The following C12orf54 variants were observed in gnomAD, a reference collection of about 807,000 sequenced individuals.
C12orf54 encodes the protein chromosome 12 open reading frame 54.
A neutral mutation model predicts 26.4 loss-of-function variants in C12orf54; 24 were observed. That is an observed-to-expected ratio of 0.91 (90% CI 0.66 to 1.28). C12orf54 has a LOEUF of 1.28. C12orf54 is among the 50% of genes most tolerant of loss of function. The pLI is 0.00. For missense variants in C12orf54, 154 were observed against 150.9 expected (o/e 1.02, Z -0.11); for synonymous variants, 54 against 47.0 (o/e 1.15, Z -0.61).
Position 48,494,904 on chromosome 12 carries a change from C to A in C12orf54, c.349C>A (p.Leu117Ile). 1.2e-6 allele frequency: 2 copies of A among 1,613,048 alleles called. No homozygotes were observed. The highest frequency in any genetic ancestry group is 1.7e-6 in the Non-Finnish European group (2 of 1,178,938). ...GGRIHNLKTQLFSQSAYYPGP is the reference protein window; with the variant it reads ...GGRIHNLKTQIFSQSAYYPGP ...CCGTATCCACAACCTGAAGACACAG[C>A]TCTTCAGTCAATCAGCTTACTACCC... is the stretch of plus-strand genomic sequence containing the variant. Residue 117 changes from leucine (L) to isoleucine (I), a missense_variant, in exon 8 of 9, where the codon CTC becomes ATC. By Grantham distance (5) the Leu-to-Ile change is conservative. Coordinates refer to ENST00000548364, the MANE Select transcript of C12orf54 (RefSeq NM_152319.4).
At chr12:48,467,276 C>T in the C12orf54 span, among the ~76,000 whole-genome samples, 1 of 152,148 alleles carries the variant, frequency 6.6e-6, no homozygotes, top group Non-Finnish European at 1.5e-5. Context: ...AAGCTTGGAA[C>T]CCATTCTCCC....
At chr12:48,484,517 T>A (rs1451627634) in intron 2 of C12orf54, among the ~76,000 whole-genome samples, 3 of 152,194 alleles carry the variant, frequency 2.0e-5, no homozygotes, top group African/African-American at 7.2e-5. Context: ...GACAGGACAC[T>A]GTAAAAATAA....
At chr12:48,482,660 A>G (rs1439395932) in intron 1 of C12orf54, 84 bp downstream of exon 1, 1 of 151,980 alleles carries the variant, frequency 6.6e-6, no homozygotes. Context: ...TGGGAGGGAA[A>G]CTTCTCAAAG....
At chr12:48,463,606 C>T in the C12orf54 span, among the ~76,000 whole-genome samples, 288 of 149,842 alleles carry the variant, frequency 1.9e-3, 1 homozygote, top group Middle Eastern at 6.8e-3. Flanking sequence ...CTGGAGGACA[C>T]AGTATAAAAA....
At chr12:48,473,246 G>T in the C12orf54 span, 1 of 1,117,256 alleles carries the variant, frequency 9.0e-7, no homozygotes, top group East Asian at 2.5e-5. Context: ...ACGAGGATGA[G>T]GAGGAGGAAC....
chr12:48,467,481 C>T, the C12orf54 span, among the ~76,000 whole-genome samples: 31 of 152,052 alleles, frequency 2.0e-4, no homozygotes, highest in African/African-American at 7.2e-4. Context: ...GAATGCTGTA[C>T]ATAATAACAG....
At chr12:48,437,540 A>G in the C12orf54 span, among the ~76,000 whole-genome samples, 1 of 152,232 alleles carries the variant, frequency 6.6e-6, no homozygotes, top group Non-Finnish European at 1.5e-5. Flanking sequence ...GCACATCAAA[A>G]AGTTTATCCA....
intron 8 of C12orf54, chr12:48,495,593 C>T (rs1272648785): frequency 6.6e-6 from 1 of 152,662 alleles, no homozygotes; most frequent in African/African-American, 2.4e-5. Flanking sequence ...AAGACTGTCT[C>T]AGGTGCTCAC....
chr12:48,418,253 C>T, the C12orf54 span, among the ~76,000 whole-genome samples: 68 of 152,262 alleles, frequency 4.5e-4, no homozygotes, highest in African/African-American at 1.6e-3. Context: ...ATTGTAGTGT[C>T]TGGAAGGGAA....
chr12:48,469,536 C>T, the C12orf54 span, among the ~76,000 whole-genome samples: 3 of 151,718 alleles, frequency 2.0e-5, no homozygotes, highest in Non-Finnish European at 4.4e-5. Context: ...GTTTTACAAA[C>T]AATTTGCCCA....
the C12orf54 span, among the ~76,000 whole-genome samples, chr12:48,462,982 T>C: frequency 2.0e-5 from 3 of 151,898 alleles, no homozygotes; most frequent in African/African-American, 2.4e-5. Context: ...AACATGATCA[T>C]CTATGTAGAA....
the C12orf54 span, among the ~76,000 whole-genome samples, chr12:48,430,440 A>G: frequency 2.0e-5 from 3 of 152,162 alleles, no homozygotes; most frequent in Non-Finnish European, 4.4e-5. Flanking sequence ...TCTACAAAGA[A>G]CTCAAATCAG....
At chr12:48,436,657 G>T in the C12orf54 span, among the ~76,000 whole-genome samples, 7 of 152,038 alleles carry the variant, frequency 4.6e-5, no homozygotes, top group Non-Finnish European at 7.4e-5. Context: ...GAATGACTAT[G>T]GGGTACATAA....
intron 4 of C12orf54, chr12:48,488,570 TA>T: frequency 2.6e-6 from 1 of 380,742 alleles, no homozygotes; most frequent in South Asian, 2.5e-5. Context: ...AACAAGCAAA[TA>T]AATACCTGTT....
chr12:48,413,347 G>C, the C12orf54 span, among the ~76,000 whole-genome samples: 1 of 152,122 alleles, frequency 6.6e-6, no homozygotes, highest in Non-Finnish European at 1.5e-5. Flanking sequence ...TCAACAGTTT[G>C]ATTTTTCTAT....
chr12:48,428,019 C>G, the C12orf54 span, among the ~76,000 whole-genome samples: 1 of 152,064 alleles, frequency 6.6e-6, no homozygotes, highest in Non-Finnish European at 1.5e-5. Context: ...CCAAAAGGAA[C>G]CTTCAAAACC....
chr12:48,490,758 G>GTC, intron 5 of C12orf54, 54 bp from the exon 6 acceptor site: 1 of 1,601,684 alleles, frequency 6.2e-7, no homozygotes, highest in Non-Finnish European at 8.6e-7. Context: ...TACAGTGCAG[G>GTC]TCTGCAGGAG....
chr12:48,489,391 G>A (rs190977744), intron 5 of C12orf54: 269 of 286,008 alleles, frequency 9.4e-4, no homozygotes, highest in African/African-American at 4.7e-3. Flanking sequence ...TGCTCTCCTC[G>A]GCTCTTCTTC....
chr12:48,494,966 T>G lies in C12orf54; in HGVS notation c.*27T>G. On this transcript the variant is annotated 3_prime_UTR_variant, in exon 8 of 9. Transcript: ENST00000548364. Reference sequence around the variant, plus strand: ...TCTACAATCAAGGAAGAAGGACATCTCTGCTTCCGCCAGGTGCTTTACCCA... The same window carrying G: ...TCTACAATCAAGGAAGAAGGACATCGCTGCTTCCGCCAGGTGCTTTACCCA... 2 of 1,607,414 alleles carry G rather than the reference T, an allele frequency of 1.2e-6. No individual in the cohort carries two copies. Among genetic ancestry groups the G allele is most frequent in the Non-Finnish European group, 1.7e-6 (2 of 1,174,606 alleles).
Sources: gnomAD v4.1 joint callset for allele counts (sites outside exome capture counted in the v4.1 genomes callset) on GRCh38, gnomAD v4.1.1 for gene constraint, MANE v1.5 for transcripts, NCBI Gene and HGNC (gene_info 2026-07-23, HGNC 2026-07-21) for gene names.